Variants in PELI1 observed in about 807,000 individuals in gnomAD.
PELI1 encodes the protein pellino E3 ubiquitin protein ligase 1.
PELI1 carries 15 observed loss-of-function variants against 41.3 expected under a neutral mutation model. The observed-to-expected ratio is 0.36, with a 90% CI of 0.24 to 0.56. PELI1 has a LOEUF of 0.56. PELI1 is among the 20% of genes least tolerant of loss of function. PELI1 has a pLI of 0.82. For missense variants in PELI1, 403 were observed against 525.5 expected, an observed-to-expected ratio of 0.77 and a Z score of 2.28; for synonymous variants, 178 against 180.1, an observed-to-expected ratio of 0.99 and a Z score of 0.09.
intron 4 of PELI1, among the ~76,000 whole-genome samples, chr2:64,097,847 G>C (rs1276205519): frequency 6.6e-6 from 1 of 152,122 alleles, no homozygotes; most frequent in South Asian, 2.1e-4. Context: ...ATTTAGATTG[G>C]ATAGTTTTAG....
chr2:64,095,161 C>G lies in PELI1; in HGVS notation c.798G>C (p.Lys266Asn), dbSNP rs1261100977. The G allele has an allele frequency of 6.2e-7, 1 of 1,614,190 alleles. No homozygotes were observed. Among genetic ancestry groups the G allele is most frequent in the South Asian group, 1.1e-5 (1 of 91,088 alleles). Reference sequence around the variant, plus strand: ...TTTCCTGTCTTAAAGCTTCTAAATGCTTCACGGTAGGAGTGTGGGAAAGGC... The same window carrying G: ...TTTCCTGTCTTAAAGCTTCTAAATGGTTCACGGTAGGAGTGTGGGAAAGGC... Reference protein sequence around the residue: ...AEGLSHTPTVKHLEALRQEIN... With the variant: ...AEGLSHTPTVNHLEALRQEIN... Residue 266 changes from lysine to asparagine, a missense_variant, in exon 7 of 7, where the codon AAG becomes AAC. Physicochemically the swap from Lys to Asn is moderately conservative, Grantham distance 94 (BLOSUM62 0). Transcript: ENST00000358912.
rs1165244945 is a variant in PELI1 at position 64,104,849 on chromosome 2, T to C, written c.72-19A>G. Reference sequence around the variant, plus strand: ...ATTATACCTGATGGGGGAAAAAAAGTATAGGTGATCTCTTGCAAGAACTGC... The same window carrying C: ...ATTATACCTGATGGGGGAAAAAAAGCATAGGTGATCTCTTGCAAGAACTGC... On this transcript the variant is annotated intron_variant, in intron 2 of 6. Coordinates refer to ENST00000358912, the MANE Select transcript of PELI1 (RefSeq NM_020651.4). 2 of 1,605,302 alleles carry C rather than the reference T, an allele frequency of 1.2e-6. No individual in the cohort carries two copies. Among genetic ancestry groups the C allele is most frequent in the South Asian group, 2.2e-5 (2 of 90,268 alleles).
intron 3 of PELI1, among the ~76,000 whole-genome samples, chr2:64,101,443 A>G (rs949628890): frequency 3.9e-5 from 6 of 152,224 alleles, no homozygotes; most frequent in Non-Finnish European, 7.3e-5. Context: ...CATTGCTAAA[A>G]AGAACTTTTC....
Position 64,094,826 on chromosome 2 carries a change from T to G in PELI1, c.1133A>C (p.Tyr378Ser). 1 of 1,614,170 alleles carries G rather than the reference T, an allele frequency of 6.2e-7. No homozygotes were observed. Among genetic ancestry groups the G allele is most frequent in the Non-Finnish European group, 8.5e-7 (1 of 1,180,012 alleles). Residue 378 changes from tyrosine (Y) to serine (S), a missense_variant, in exon 7 of 7, where the codon TAT becomes TCT. Physicochemically the swap from Tyr to Ser is moderately radical, Grantham distance 144. Coordinates refer to ENST00000358912, the MANE Select transcript of PELI1 (RefSeq NM_020651.4). ...GHVCSEKTTA[Y>S]WSQIPLPHGT... The stretch of plus-strand genomic sequence containing the variant: ...ATGAGGAAGTGGGATCTGGGACCAA[T>G]AGGCAGTTGTCTTTTCTGAACACAC...
chr2:64,137,661 A>G (rs1300600041), intron 1 of PELI1, among the ~76,000 whole-genome samples: 4 of 152,176 alleles, frequency 2.6e-5, no homozygotes, highest in Non-Finnish European at 5.9e-5. Context: ...TACAAACAAT[A>G]ACTGCCTTCT....
chr2:64,119,344 G>T (rs1047598221), intron 1 of PELI1, among the ~76,000 whole-genome samples: 2 of 152,294 alleles, frequency 1.3e-5, no homozygotes, highest in East Asian at 3.9e-4. Context: ...CATTGACAAT[G>T]TGACACTTAA....
At chr2:64,143,928 C>T (rs1204841912) in intron 1 of PELI1, among the ~76,000 whole-genome samples, 153 bp downstream of exon 1, 1 of 150,808 alleles carries the variant, frequency 6.6e-6, no homozygotes, top group Non-Finnish European at 1.5e-5. Context: ...CCGCAAACTC[C>T]GCTCCCCGCC....
intron 3 of PELI1, 46 bp from the exon 4 acceptor site, chr2:64,100,545 C>A: frequency 1.2e-6 from 1 of 869,430 alleles, no homozygotes. Context: ...GCAGGTCAAT[C>A]CAATCAGATA....
At chr2:64,100,581 C>A (rs1680393251) in intron 3 of PELI1, 82 bp from the exon 4 acceptor site, 1 of 776,032 alleles carries the variant, frequency 1.3e-6, no homozygotes, top group Non-Finnish European at 2.3e-6. Context: ...AAAGGGAAAA[C>A]TATTTATCAA....
intron 1 of PELI1, among the ~76,000 whole-genome samples, chr2:64,143,081 G>A (rs1388126284): frequency 6.6e-6 from 1 of 152,180 alleles, no homozygotes; most frequent in Non-Finnish European, 1.5e-5. Flanking sequence ...ACATTTCCTT[G>A]TGTGTAGTGA....
intron 1 of PELI1, among the ~76,000 whole-genome samples, chr2:64,131,936 T>C (rs1205165480): frequency 6.6e-6 from 1 of 152,158 alleles, no homozygotes; most frequent in African/African-American, 2.4e-5. Flanking sequence ...CAGTAATCTC[T>C]ACCAGTATTG....
At chr2:64,119,161 G>A (rs2103713537) in intron 1 of PELI1, among the ~76,000 whole-genome samples, 1 of 152,152 alleles carries the variant, frequency 6.6e-6, no homozygotes, top group East Asian at 1.9e-4. Flanking sequence ...GAACACAAAA[G>A]CCTTGGAGCT....
rs760172900 is a variant in PELI1 at position 64,094,060 on chromosome 2, C to T, written c.*642G>A. 2 of 152,710 alleles carry T rather than the reference C, an allele frequency of 1.3e-5. No homozygotes were observed. Among genetic ancestry groups the T allele is most frequent in the South Asian group, 2.1e-4 (1 of 4,830 alleles). The allele number at this position is 152,710 out of a possible 1,614,324, so 9.5% of individuals were successfully genotyped here. A position where few individuals can be genotyped will look rare whatever the true frequency, so the allele number is the denominator to read the frequency against. ...TGTTGTTAAAAACAAACACCTTTCA[C>T]GCGGGTAATTAGTATGAATTTGGTC... On this transcript the variant is annotated 3_prime_UTR_variant, in exon 7 of 7. Coordinates refer to ENST00000358912, the MANE Select transcript of PELI1 (RefSeq NM_020651.4).
chr2:64,132,801 T>C (rs1449701957), intron 1 of PELI1, among the ~76,000 whole-genome samples: 2 of 152,170 alleles, frequency 1.3e-5, no homozygotes, highest in South Asian at 4.1e-4. Context: ...CTTTTATAAG[T>C]AAAGTGTGGT....
intron 2 of PELI1, among the ~76,000 whole-genome samples, chr2:64,107,618 T>C (rs1680663012): frequency 6.6e-6 from 1 of 151,852 alleles, no homozygotes; most frequent in African/African-American, 2.4e-5. Context: ...AGGCAAAACA[T>C]GGGATAGGGA....
chr2:64,099,246 T>TGTTGCCCA (rs1680345029), intron 4 of PELI1, among the ~76,000 whole-genome samples: 1 of 152,068 alleles, frequency 6.6e-6, no homozygotes, highest in South Asian at 2.1e-4. Context: ...AGTCTCACTA[T>TGTTGCCCA]GTTGCCCAGG....
chr2:64,106,709 C>A (rs1680632769), intron 2 of PELI1, among the ~76,000 whole-genome samples: 1 of 152,174 alleles, frequency 6.6e-6, no homozygotes, highest in Non-Finnish European at 1.5e-5. Flanking sequence ...CCCAAGGTCA[C>A]ACAGCTAGCA....
intron 1 of PELI1, among the ~76,000 whole-genome samples, chr2:64,133,337 T>C (rs1050027716): frequency 6.6e-6 from 1 of 152,144 alleles, no homozygotes; most frequent in Non-Finnish European, 1.5e-5. Context: ...AGAGACAGTA[T>C]AGATAGAAGA....
At chr2:64,107,370 C>A (rs1175071634) in intron 2 of PELI1, among the ~76,000 whole-genome samples, 3 of 152,202 alleles carry the variant, frequency 2.0e-5, no homozygotes, top group Admixed American at 1.3e-4. Flanking sequence ...ATTCCTCAAT[C>A]TTCAGATTCT....
Sources: allele counts gnomAD v4.1 joint callset (sites outside exome capture counted in the v4.1 genomes callset), GRCh38; gene constraint gnomAD v4.1.1; transcripts MANE v1.5; gene names NCBI Gene and HGNC (gene_info 2026-07-23, HGNC 2026-07-21).